Variants in VNN2 observed in about 807,000 individuals in gnomAD.
VNN2 encodes the protein pantetheine hydrolase VNN2.
In VNN2, 43 loss-of-function variants were observed where a neutral mutation model predicts 43.0. That is an observed-to-expected ratio of 1.00 (90% CI 0.78 to 1.29). The LOEUF is 1.29. Ranked by LOEUF, VNN2 falls within the 50% of genes most tolerant of loss-of-function variation. The pLI is 0.00. For synonymous variants in VNN2, 230 were observed against 224.3 expected, an observed-to-expected ratio of 1.03 and a Z score of -0.23; for missense variants, 652 against 619.7, an observed-to-expected ratio of 1.05 and a Z score of -0.55.
At chr6:132,752,359 A>G in intron 4 of VNN2, 102 bp downstream of exon 4, 1 of 1,366,270 alleles carries the variant, frequency 7.3e-7, no homozygotes, top group Non-Finnish European at 9.8e-7. Flanking sequence ...CAAACACAGT[A>G]AGAATTTCCA....
At chr6:132,744,904 T>A (rs1389502017) in intron 6 of VNN2, among the ~76,000 whole-genome samples, 1 of 151,486 alleles carries the variant, frequency 6.6e-6, no homozygotes, top group African/African-American at 2.4e-5. Flanking sequence ...AACAGGTAAG[T>A]GCTAGGAGGT....
intron 3 of VNN2, among the ~76,000 whole-genome samples, chr6:132,755,558 A>G (rs2114606556): frequency 6.6e-6 from 1 of 152,038 alleles, no homozygotes; most frequent in South Asian, 2.1e-4. Flanking sequence ...ATTTTTTAGT[A>G]GAGACGGGGT....
Position 132,756,046 on chromosome 6 carries a change from T to G in VNN2, c.345-11A>C, listed in dbSNP as rs763903029. ...GGTGTGTGACCAAATCTAAACCAAA[T>G]TATAATTAAGAAATTTCAATTTTAA... On this transcript the variant is annotated splice_polypyrimidine_tract_variant and intron_variant, in intron 2 of 6. Coordinates refer to ENST00000326499, the MANE Select transcript of VNN2 (RefSeq NM_004665.6). 3 of 1,541,824 alleles carry G rather than the reference T, an allele frequency of 1.9e-6. No individual in the cohort carries two copies. In the Admixed American group the frequency reaches 6.6e-5, roughly 34 times the overall value.
At chr6:132,753,206 T>A (rs1387420478) in intron 3 of VNN2, 1 of 213,632 alleles carries the variant, frequency 4.7e-6, no homozygotes, top group East Asian at 1.2e-4. Flanking sequence ...TTCGTATTTT[T>A]AGTAGAGTCG....
chr6:132,749,515 C>T (rs758902894), intron 6 of VNN2, among the ~76,000 whole-genome samples, 180 bp downstream of exon 6: 26 of 152,092 alleles, frequency 1.7e-4, no homozygotes, highest in Non-Finnish European at 2.6e-4. Flanking sequence ...CTATCTCAGA[C>T]CAGAAAAACA....
At chr6:132,747,282 C>T (rs1237698658) in intron 6 of VNN2, among the ~76,000 whole-genome samples, 1 of 152,122 alleles carries the variant, frequency 6.6e-6, no homozygotes, top group Non-Finnish European at 1.5e-5. Flanking sequence ...CAAAATATCT[C>T]CTGTAACCCA....
At chr6:132,752,128 A>G (rs532362145) in intron 4 of VNN2, among the ~76,000 whole-genome samples, 56 of 152,366 alleles carry the variant, frequency 3.7e-4, no homozygotes, top group African/African-American at 1.2e-3. Flanking sequence ...AGGGCAAGAT[A>G]TAGAGGCTTC....
chr6:132,760,641 T>G (rs151065622), upstream of VNN2: 6 of 152,032 alleles, frequency 3.9e-5, no homozygotes, highest in Admixed American at 2.0e-4. Context: ...CCTTCATTGA[T>G]CTAGTATCAC....
upstream of VNN2, among the ~76,000 whole-genome samples, chr6:132,762,146 C>T (rs1203180939): frequency 6.6e-6 from 1 of 152,138 alleles, no homozygotes; most frequent in Non-Finnish European, 1.5e-5. Flanking sequence ...GTGCTAAACC[C>T]AGCGTGGTAG....
At chr6:132,759,988 A>G (rs1286906880), upstream of VNN2, among the ~76,000 whole-genome samples, 1 of 152,192 alleles carries the variant, frequency 6.6e-6, no homozygotes, top group African/African-American at 2.4e-5. Context: ...CATGTAACCC[A>G]AATGCCCACT....
upstream of VNN2, among the ~76,000 whole-genome samples, chr6:132,760,038 G>A (rs565891126): frequency 9.2e-5 from 14 of 152,332 alleles, no homozygotes; most frequent in African/African-American, 2.6e-4. Context: ...GAGCTAGAGC[G>A]ACAGAGCAGG....
In VNN2 at chr6:132,757,833, G is replaced by T. The variant is rs779133997; in HGVS notation, c.51C>A (p.Thr17=). The T allele has an allele frequency of 4.3e-6, 7 of 1,613,746 alleles. No homozygotes were observed. Among genetic ancestry groups the T allele is most frequent in the Admixed American group, 1.7e-5 (1 of 59,968 alleles). The part of the protein sequence containing the change: ...PISVAVFALI[T]LQVGTQDSFI... Reference sequence around the variant, plus strand: ...AACTGTCCTGAGTACCAACCTGCAGGGTTATTAGGGCAAAAACTGCCACAG... The same window carrying T: ...AACTGTCCTGAGTACCAACCTGCAGTGTTATTAGGGCAAAAACTGCCACAG... Residue 17 remains threonine, a synonymous_variant, in exon 1 of 7, where the codon ACC becomes ACA. Transcript: ENST00000326499.
intron 5 of VNN2, among the ~76,000 whole-genome samples, chr6:132,750,415 G>A (rs536352740): frequency 5.3e-5 from 8 of 151,318 alleles, no homozygotes; most frequent in Admixed American, 2.0e-4. Flanking sequence ...CGAGGCAGTC[G>A]GATCAGCAGA....
chr6:132,752,514 A>G lies in VNN2; in HGVS notation c.773T>C (p.Met258Thr), dbSNP rs560768824. The G allele has an allele frequency of 6.2e-7, 1 of 1,614,114 alleles. No individual in the cohort carries two copies. Among genetic ancestry groups the G allele is most frequent in the Non-Finnish European group, 8.5e-7 (1 of 1,179,976 alleles). The change falls in exon 4 of 7, where the codon ATG becomes ACG. Residue 258 changes from methionine to threonine, a missense_variant. Physicochemically the swap from Met to Thr is moderately conservative, Grantham distance 81. Coordinates refer to ENST00000326499, the MANE Select transcript of VNN2 (RefSeq NM_004665.6). Reference protein sequence around the residue: ...IEFHSAWAMGMGVNLLVANTH... With the variant: ...IEFHSAWAMGTGVNLLVANTH... The stretch of plus-strand genomic sequence containing the variant: ...GTTGGCCACAAGAAGATTAACTCCC[A>G]TTCCCATTGCCCAAGCTGAATGGAA...
rs763023597 is a variant in VNN2, at chr6:132,757,877, T to C, written c.7A>G (p.Thr3Ala). The C allele has an allele frequency of 9.9e-6, 16 of 1,613,222 alleles. No individual in the cohort carries two copies. In the South Asian group the frequency reaches 1.8e-4, roughly 18 times the overall value. Residue 3 changes from threonine (T) to alanine (A), a missense_variant, in exon 1 of 7, where the codon ACT (threonine) becomes GCT (alanine). Thr to Ala is a moderately conservative substitution (Grantham distance 58). Transcript: ENST00000326499. ...GCCACAGAGATTGGAAAAGAGGAAG[T>C]GACCATGGCCAAGGTTTAGTGATTT... MV[T>A]SSFPISVAVF...
rs1305120448 is a variant in VNN2 at position 132,749,985 on chromosome 6, T to C, written c.1201-120A>G. On this transcript the variant is annotated intron_variant, in intron 5 of 6. Coordinates refer to ENST00000326499, the MANE Select transcript of VNN2 (RefSeq NM_004665.6). ...CATTATCTTTCTCTGAAAAGGGATT[T>C]GGATCATGTGTCTTATAATTAACTG... 12 of 965,014 alleles carry C rather than the reference T, an allele frequency of 1.2e-5. No homozygotes were observed. The Admixed American group carries it at 1.6e-4, about 13-fold the overall frequency. 59.8% of individuals were successfully genotyped at this position (965,014 alleles called of 1,614,324 possible). A position where few individuals can be genotyped will look rare whatever the true frequency, so the allele number is the denominator to read the frequency against.
chr6:132,746,705 C>A (rs980733630), intron 6 of VNN2, among the ~76,000 whole-genome samples: 1 of 152,156 alleles, frequency 6.6e-6, no homozygotes, highest in African/African-American at 2.4e-5. Context: ...TCTGCACTCA[C>A]AAAACAAACT....
In VNN2 at chr6:132,751,391, A is replaced by C. The variant is rs1693329582; in HGVS notation, c.954T>G (p.Val318=). The change falls in exon 5 of 7, where the codon GTT becomes GTG. Residue 318 remains valine, a synonymous_variant. Coordinates refer to ENST00000326499, the MANE Select transcript of VNN2 (RefSeq NM_004665.6). ...PLSSLAYPTA[V]NWNAYATTIK... is the part of the protein sequence containing the mutation. ...TGGTGGTGGCGTAGGCATTCCAATT[A>C]ACAGCTGTTGGGTAGGCAAGCGAGG... 6.2e-7 allele frequency: 1 copy of C among 1,614,048 alleles called. No homozygotes were observed.
chr6:132,752,846 C>G, intron 3 of VNN2, 97 bp from the exon 4 acceptor site: 1 of 1,340,174 alleles, frequency 7.5e-7, no homozygotes, highest in Admixed American at 2.3e-5. Flanking sequence ...TGGCTATGGT[C>G]AACTGCAGGG....
Sources: gnomAD v4.1 joint callset for allele counts (sites outside exome capture counted in the v4.1 genomes callset) on GRCh38, gnomAD v4.1.1 for gene constraint, MANE v1.5 for transcripts, NCBI Gene and HGNC (gene_info 2026-07-23, HGNC 2026-07-21) for gene names.